Variants in CDH23 observed in about 807,000 individuals in gnomAD.
The protein encoded by CDH23 is cadherin-23.
CDH23 carries 189 observed loss-of-function variants against 317.1 expected under a neutral mutation model. The observed-to-expected ratio is 0.60, with a 90% confidence interval of 0.53 to 0.67. CDH23 has a LOEUF of 0.67. Ranked by LOEUF, CDH23 falls within the 30% of genes least tolerant of loss-of-function variation. CDH23 has a pLI of 0.00. For missense variants in CDH23, 4,401 were observed against 4,592.4 expected (o/e 0.96, Z 1.20); for synonymous variants, 1,839 against 1,876.8 (o/e 0.98, Z 0.52).
intron 3 of CDH23, among the ~76,000 whole-genome samples, chr10:71,474,551 G>A (rs984593490): frequency 2.6e-5 from 4 of 152,208 alleles, no homozygotes; most frequent in Non-Finnish European, 5.9e-5. Context: ...CTTGCATTCT[G>A]GCAACTAGCA....
At chr10:71,797,618 AG>A (rs1467617639) in intron 49 of CDH23, among the ~76,000 whole-genome samples, 2 of 152,236 alleles carry the variant, frequency 1.3e-5, no homozygotes, top group African/African-American at 2.4e-5. Context: ...AGGAAGCCAC[AG>A]GGTTAGCACA....
intron 38 of CDH23, among the ~76,000 whole-genome samples, chr10:71,745,046 C>A (rs1281755077): frequency 6.6e-6 from 1 of 152,250 alleles, no homozygotes; most frequent in Non-Finnish European, 1.5e-5. Flanking sequence ...TAGCACTAAA[C>A]CATATTTATT....
chr10:71,496,123 C>A (rs1038634012), intron 3 of CDH23, among the ~76,000 whole-genome samples: 1 of 152,196 alleles, frequency 6.6e-6, no homozygotes, highest in Non-Finnish European at 1.5e-5. Flanking sequence ...GGATTTATAT[C>A]AGAATACTGC....
At chr10:71,565,718 A>C (rs1857360907) in intron 6 of CDH23, among the ~76,000 whole-genome samples, 1 of 152,192 alleles carries the variant, frequency 6.6e-6, no homozygotes. Context: ...TCATGATCTT[A>C]TGTATTCTTC....
intron 2 of CDH23, among the ~76,000 whole-genome samples, chr10:71,441,730 AAAAAAG>A (rs1443620708): frequency 1.4e-4 from 12 of 85,972 alleles, no homozygotes; most frequent in African/African-American, 4.4e-4. Flanking sequence ...TCAAAAAAAG[AAAAAAG>A]AAAAAAAAAA....
In CDH23 at chr10:71,599,521, A is replaced by T. The variant is rs558779977; in HGVS notation, c.833-15983A>T. ...ATTTCCTCTGTTAACACCGTGAAAA[A>T]TTGGTAGTGTTGTGGGGGGTGATTT... On this transcript the variant is annotated intron_variant, in intron 9 of 69. Transcript: ENST00000224721. 5.6e-4 allele frequency among the ~76,000 whole-genome samples: 85 copies of T among 152,290 alleles called. 2 individuals carry two copies. In the South Asian group the frequency reaches 0.016, roughly 29 times the overall value.
chr10:71,506,144 A>G (rs1853621943), intron 3 of CDH23, among the ~76,000 whole-genome samples: 1 of 152,256 alleles, frequency 6.6e-6, no homozygotes, highest in Admixed American at 6.5e-5. Flanking sequence ...AAAAGGCCAC[A>G]TACTGTATTA....
At chr10:71,441,530 C>T (rs1849878971) in intron 2 of CDH23, among the ~76,000 whole-genome samples, 1 of 152,058 alleles carries the variant, frequency 6.6e-6, no homozygotes, top group Non-Finnish European at 1.5e-5. Context: ...ACCAGCCTGG[C>T]AAACATGGCA....
intron 53 of CDH23, 40 bp downstream of exon 53, chr10:71,800,795 G>C (rs183543578): frequency 1.2e-6 from 2 of 1,605,212 alleles, no homozygotes; most frequent in Non-Finnish European, 1.7e-6. Flanking sequence ...ACAGGGACTG[G>C]GGTTGTGGAG....
intron 24 of CDH23, among the ~76,000 whole-genome samples, chr10:71,704,351 A>G (rs1349759211): frequency 6.6e-6 from 1 of 152,232 alleles, no homozygotes; most frequent in Admixed American, 6.5e-5. Flanking sequence ...CAGTGTAGGA[A>G]TTTGGGAGGA....
chr10:71,594,442 T>G (rs913986870), intron 9 of CDH23, among the ~76,000 whole-genome samples: 2 of 152,126 alleles, frequency 1.3e-5, no homozygotes, highest in African/African-American at 4.8e-5. Context: ...GGCACAATCT[T>G]GGCTCACCAC....
At chr10:71,445,894 G>A (rs1214392998) in intron 2 of CDH23, among the ~76,000 whole-genome samples, 1 of 149,894 alleles carries the variant, frequency 6.7e-6, no homozygotes, top group Non-Finnish European at 1.5e-5. Context: ...AGAAACAGGT[G>A]ACATTCATTT....
intron 48 of CDH23, 81 bp downstream of exon 48, chr10:71,793,721 C>T (rs1841329147): frequency 9.5e-7 from 1 of 1,047,632 alleles, no homozygotes; most frequent in Non-Finnish European, 1.3e-6. Flanking sequence ...CTTCTTTCTC[C>T]TTTCTCTTTC....
intron 60 of CDH23, among the ~76,000 whole-genome samples, chr10:71,809,611 C>T (rs1249855707): frequency 6.6e-6 from 1 of 151,462 alleles, no homozygotes; most frequent in Non-Finnish European, 1.5e-5. Flanking sequence ...CCGCACTCCC[C>T]TGTGATGATA....
intron 1 of CDH23, among the ~76,000 whole-genome samples, chr10:71,428,882 G>A (rs940616571): frequency 2.6e-5 from 4 of 152,190 alleles, no homozygotes; most frequent in African/African-American, 9.7e-5. Flanking sequence ...GAGCCACCAC[G>A]CCTGGCTGGC....
intron 14 of CDH23, 39 bp downstream of exon 14, chr10:71,646,656 A>G (rs776608619): frequency 1.2e-6 from 2 of 1,614,000 alleles, no homozygotes; most frequent in Non-Finnish European, 1.7e-6. Context: ...TGAGCTCTCC[A>G]GGGCCGACTG....
At position 71,805,975 on chromosome 10, in the gene CDH23, G is replaced by A. The variant is rs1211837259; in HGVS notation, c.8042G>A (p.Arg2681His). 6.2e-7 allele frequency: 1 copy of A among 1,612,140 alleles called. No individual in the cohort carries two copies. Among genetic ancestry groups the A allele is most frequent in the South Asian group, 1.1e-5 (1 of 90,766 alleles). ...ATCCAGACTGCTCAGCGCCTGGACC[G>A]CGAGTCGCAGGCGGTGTACAGCGTA... ...GLIQTAQRLD[R>H]ESQAVYSLIL... The change falls in exon 56 of 70, where the codon CGC becomes CAC. Residue 2681 changes from arginine to histidine, a missense_variant. Arg to His is a conservative substitution (Grantham distance 29). Transcript: ENST00000224721.
intron 6 of CDH23, among the ~76,000 whole-genome samples, chr10:71,542,638 C>T (rs958594411): frequency 3.3e-5 from 5 of 152,174 alleles, no homozygotes; most frequent in Non-Finnish European, 5.9e-5. Flanking sequence ...GGCAGGAGGC[C>T]GAGAAGATAA....
chr10:71,628,347 A>T (rs1217513781), intron 11 of CDH23, among the ~76,000 whole-genome samples: 3 of 152,236 alleles, frequency 2.0e-5, no homozygotes, highest in African/African-American at 7.2e-5. Flanking sequence ...GGCACAGGGC[A>T]GAGGGAGAGG....
Sources: allele counts gnomAD v4.1 joint callset (sites outside exome capture counted in the v4.1 genomes callset), GRCh38; gene constraint gnomAD v4.1.1; transcripts MANE v1.5; gene names NCBI Gene and HGNC (gene_info 2026-07-23, HGNC 2026-07-21).